Variants in JAK2 observed in about 807,000 individuals in gnomAD.
JAK2 encodes the protein Janus kinase 2.
A neutral mutation model predicts 139.3 loss-of-function variants in JAK2; 86 were observed. The ratio of observed to expected loss-of-function variants is 0.62; its 90% confidence interval spans 0.52 to 0.74. The LOEUF (loss-of-function observed/expected upper bound fraction) is 0.74, where lower values mean the gene tolerates loss of function less well. Among genes scored for constraint, JAK2 ranks in the 30% least tolerant of loss-of-function variants. The pLI, the probability that JAK2 is intolerant of heterozygous loss-of-function variation, is 0.00. For missense variants in JAK2, 1,421 were observed against 1,360.3 expected (o/e 1.04, Z -0.70); for synonymous variants, 490 against 437.7 (o/e 1.12, Z -1.49).
At chr9:5,036,722 T>G (rs991454325) in intron 4 of JAK2, among the ~76,000 whole-genome samples, 3 of 152,158 alleles carry the variant, frequency 2.0e-5, no homozygotes, top group Admixed American at 1.3e-4. Flanking sequence ...CAAGATGGAT[T>G]AAAGACTTAA....
chr9:5,037,635 C>G (rs943223400), intron 4 of JAK2, among the ~76,000 whole-genome samples: 1 of 152,088 alleles, frequency 6.6e-6, no homozygotes, highest in Non-Finnish European at 1.5e-5. Context: ...CATGTTCTCA[C>G]TCTTAGGTGG....
intron 14 of JAK2, 24 bp from the exon 15 acceptor site, chr9:5,077,429 A>T: frequency 1.2e-6 from 1 of 867,182 alleles, no homozygotes; most frequent in South Asian, 3.1e-5. Flanking sequence ...AAGCCTTATT[A>T]TTATTACTTA....
chr9:5,004,941 G>C (rs1276196956), intron 2 of JAK2, among the ~76,000 whole-genome samples: 2 of 145,864 alleles, frequency 1.4e-5, no homozygotes, highest in East Asian at 2.0e-4. Context: ...TTTTGAGACA[G>C]AGTCTTGCTC....
intron 4 of JAK2, among the ~76,000 whole-genome samples, chr9:5,036,897 A>G (rs1235874291): frequency 1.3e-5 from 2 of 152,242 alleles, no homozygotes; most frequent in African/African-American, 4.8e-5. Flanking sequence ...CTGCACAGCA[A>G]AAGAAACTAC....
chr9:5,120,009 C>T (rs1432161416), intron 22 of JAK2, among the ~76,000 whole-genome samples: 2 of 152,124 alleles, frequency 1.3e-5, no homozygotes, highest in Non-Finnish European at 2.9e-5. Flanking sequence ...GCTGCTATAA[C>T]AGAATACCTG....
Position 5,054,954 on chromosome 9 carries a change from T to A in JAK2, c.936+70T>A. The stretch of plus-strand genomic sequence containing the variant: ...AATGGAAATAAAAACAAAGTAATTT[T>A]AATCATTTGCAACATGGTATTGCAC... On this transcript the variant is annotated intron_variant, in intron 7 of 24. Coordinates refer to ENST00000381652, the MANE Select transcript of JAK2 (RefSeq NM_004972.4). This position sits in a 1 kb window ranked among gnomAD's most constrained non-coding sequence, Gnocchi z 4.9. The A allele has an allele frequency of 8.4e-7, 1 of 1,192,682 alleles. No homozygotes were observed. Among genetic ancestry groups the A allele is most frequent in the Non-Finnish European group, 1.2e-6 (1 of 855,858 alleles). 73.9% of individuals were successfully genotyped at this position (1,192,682 alleles called of 1,614,324 possible).
At chr9:5,038,359 A>T (rs1816228060) in intron 4 of JAK2, among the ~76,000 whole-genome samples, 1 of 152,188 alleles carries the variant, frequency 6.6e-6, no homozygotes, top group South Asian at 2.1e-4. Context: ...ACACATTAAA[A>T]AAATTATTAC....
intron 22 of JAK2, among the ~76,000 whole-genome samples, chr9:5,102,240 G>C (rs766508963): frequency 1.3e-5 from 2 of 152,140 alleles, no homozygotes; most frequent in African/African-American, 4.8e-5. Flanking sequence ...ACTACAGGAC[G>C]CATGCACAAG....
At chr9:5,052,059 C>G (rs573436394) in intron 6 of JAK2, among the ~76,000 whole-genome samples, 1 of 152,088 alleles carries the variant, frequency 6.6e-6, no homozygotes, top group East Asian at 1.9e-4. Flanking sequence ...GGAAGAGTAT[C>G]TTAGATGTCG....
rs565609605 is a variant in JAK2 at position 5,044,671 on chromosome 9, T to C, written c.468+151T>C. 1.5e-5 allele frequency: 8 copies of C among 517,570 alleles called. No individual in the cohort carries two copies. The South Asian group carries it at 2.0e-4, about 13-fold the overall frequency. The allele number at this position is 517,570 out of a possible 1,614,324, so 32.1% of individuals were successfully genotyped here. On this transcript the variant is annotated intron_variant, in intron 5 of 24. Coordinates refer to ENST00000381652, the MANE Select transcript of JAK2 (RefSeq NM_004972.4). Reference sequence around the variant, plus strand: ...AGAGAAGTAACAAAATTGAGTCTTTTAGCACTAGTTTTTAATCCCATGGTT... The same window carrying C: ...AGAGAAGTAACAAAATTGAGTCTTTCAGCACTAGTTTTTAATCCCATGGTT...
intron 19 of JAK2, among the ~76,000 whole-genome samples, chr9:5,083,360 A>G (rs1819848138): frequency 6.6e-6 from 1 of 152,186 alleles, no homozygotes; most frequent in South Asian, 2.1e-4. Flanking sequence ...CATAGTGGTA[A>G]GCTCTTTCTC....
rs555337726 is a variant in JAK2 at position 5,050,574 on chromosome 9, T to C, written c.469-112T>C. The C allele has an allele frequency of 1.9e-5, 22 of 1,138,176 alleles. No homozygotes were observed. The African/African-American group carries it at 2.7e-4, about 14-fold the overall frequency. The allele number at this position is 1,138,176 out of a possible 1,614,324, so 70.5% of individuals were successfully genotyped here. On this transcript the variant is annotated intron_variant, in intron 5 of 24. Transcript: ENST00000381652. ...GCATGAGCCACTGAGCCTGGCCAAT[T>C]TGTATCTTGTAAATGCATATGTTCT...
intron 22 of JAK2, among the ~76,000 whole-genome samples, chr9:5,103,764 C>CA (rs1257064268): frequency 1.1e-3 from 171 of 152,268 alleles, no homozygotes; most frequent in Non-Finnish European, 2.1e-3. Flanking sequence ...CTAAGAAACT[C>CA]ACTCAAAACC....
intron 22 of JAK2, among the ~76,000 whole-genome samples, chr9:5,096,472 G>C (rs1273114758): frequency 6.6e-6 from 1 of 152,112 alleles, no homozygotes; most frequent in Non-Finnish European, 1.5e-5. Flanking sequence ...TAATCAACTG[G>C]CTTCAATCTA....
At position 5,110,639 on chromosome 9, in the gene JAK2, C is replaced by T. The variant is rs573083603; in HGVS notation, c.3060-12365C>T. 3 of 222,540 alleles carry T rather than the reference C, an allele frequency of 1.3e-5. No homozygotes were observed. In the South Asian group the frequency reaches 1.9e-4, roughly 14 times the overall value. 13.8% of individuals were successfully genotyped at this position (222,540 alleles called of 1,614,324 possible). A position where few individuals can be genotyped will look rare whatever the true frequency, so the allele number is the denominator to read the frequency against. On this transcript the variant is annotated intron_variant, in intron 22 of 24. Coordinates refer to ENST00000381652, the MANE Select transcript of JAK2 (RefSeq NM_004972.4). ...TCTTCACAGGCTTTTACTCTAAAGA[C>T]CTTATTATCGAAACCACAAATACTG...
At chr9:5,084,724 C>T (rs2130637735) in intron 19 of JAK2, among the ~76,000 whole-genome samples, 1 of 152,258 alleles carries the variant, frequency 6.6e-6, no homozygotes, top group African/African-American at 2.4e-5. Context: ...AATAGCCTTA[C>T]ATGTGGATAT....
At chr9:5,104,309 T>C (rs1821776387) in intron 22 of JAK2, among the ~76,000 whole-genome samples, 1 of 151,820 alleles carries the variant, frequency 6.6e-6, no homozygotes, top group Non-Finnish European at 1.5e-5. Flanking sequence ...AACTAGAAAA[T>C]CTAGAAGAAA....
intron 22 of JAK2, chr9:5,109,303 G>C (rs1376607905): frequency 6.6e-6 from 1 of 152,044 alleles, no homozygotes; most frequent in East Asian, 1.9e-4. Flanking sequence ...TGTAGCTATA[G>C]TTTAACCAAA....
At chr9:5,006,059 C>T (rs1254217419) in intron 2 of JAK2, among the ~76,000 whole-genome samples, 2 of 152,146 alleles carry the variant, frequency 1.3e-5, no homozygotes, top group Non-Finnish European at 2.9e-5. Context: ...ATGGGGATGG[C>T]ATTGAATCTA....
Sources: gnomAD v4.1 joint callset for allele counts (sites outside exome capture counted in the v4.1 genomes callset) on GRCh38, gnomAD v4.1.1 for gene constraint, Gnocchi (gnomAD v3.1) non-coding constraint, MANE v1.5 for transcripts, NCBI Gene and HGNC (gene_info 2026-07-23, HGNC 2026-07-21) for gene names.